Variants in IMMP2L observed in about 807,000 individuals in gnomAD.
IMMP2L encodes the protein inner mitochondrial membrane peptidase subunit 2.
Under a neutral mutation model 19.3 loss-of-function variants are expected in IMMP2L, and 18 were observed. The observed-to-expected ratio is 0.93, with a 90% CI of 0.64 to 1.38. The LOEUF (loss-of-function observed/expected upper bound fraction) is 1.38. Ranked by LOEUF, IMMP2L falls within the 40% of genes most tolerant of loss-of-function variation. The pLI is 0.00. For missense variants in IMMP2L, 233 were observed against 218.2 expected (o/e 1.07, Z -0.43); for synonymous variants, 76 against 73.0 (o/e 1.04, Z -0.21).
intron 3 of IMMP2L, among the ~76,000 whole-genome samples, chr7:111,154,356 T>C (rs904233072): frequency 4.6e-5 from 7 of 152,112 alleles, no homozygotes; most frequent in African/African-American, 1.7e-4. Context: ...CATTATTATC[T>C]ACCATATACA....
At chr7:110,955,502 A>G (rs1818273246) in intron 4 of IMMP2L, among the ~76,000 whole-genome samples, 2 of 151,750 alleles carry the variant, frequency 1.3e-5, no homozygotes, top group Admixed American at 6.6e-5. Flanking sequence ...ATTAAACAGC[A>G]GCATCGGTCA....
intron 3 of IMMP2L, among the ~76,000 whole-genome samples, chr7:111,078,831 A>G (rs1011696646): frequency 6.6e-6 from 1 of 152,128 alleles, no homozygotes; most frequent in African/African-American, 2.4e-5. Flanking sequence ...ACCAGGTTTC[A>G]GTGATTCTCC....
At chr7:110,887,078 T>G (rs1453985113) in intron 4 of IMMP2L, among the ~76,000 whole-genome samples, 2 of 152,094 alleles carry the variant, frequency 1.3e-5, no homozygotes, top group Non-Finnish European at 2.9e-5. Context: ...TTTCAACTGA[T>G]TCATGCACAA....
intron 3 of IMMP2L, chr7:111,392,694 C>T (rs1349684694): frequency 4.4e-6 from 2 of 453,362 alleles, no homozygotes; most frequent in African/African-American, 2.0e-5. Context: ...GTTACACACA[C>T]TTCTGTCCAA....
intron 3 of IMMP2L, among the ~76,000 whole-genome samples, chr7:111,052,603 C>T (rs1289137801): frequency 6.6e-6 from 1 of 152,124 alleles, no homozygotes; most frequent in Admixed American, 6.6e-5. Context: ...ACTTCTATCT[C>T]CCTAAAACGT....
At chr7:111,142,956 T>C (rs1294267756) in intron 3 of IMMP2L, among the ~76,000 whole-genome samples, 1 of 152,196 alleles carries the variant, frequency 6.6e-6, no homozygotes, top group East Asian at 1.9e-4. Flanking sequence ...TCCTGTACTA[T>C]TGTATACTTT....
At chr7:111,411,608 C>T (rs955178953) in intron 3 of IMMP2L, 2 of 287,194 alleles carry the variant, frequency 7.0e-6, no homozygotes, top group Non-Finnish European at 1.4e-5. Flanking sequence ...CACTATGGAT[C>T]GGGAAGTGCA....
At chr7:111,211,758 C>G (rs150054532) in intron 3 of IMMP2L, among the ~76,000 whole-genome samples, 73 of 152,256 alleles carry the variant, frequency 4.8e-4, no homozygotes, top group Middle Eastern at 3.4e-3. Flanking sequence ...GCCTGTAATC[C>G]CAACACTTTG....
intron 4 of IMMP2L, among the ~76,000 whole-genome samples, chr7:110,907,083 G>A (rs910990607): frequency 5.3e-5 from 8 of 152,000 alleles, no homozygotes; most frequent in Non-Finnish European, 7.4e-5. Flanking sequence ...GGGTGCCCAC[G>A]ACCCCTGAAG....
intron 5 of IMMP2L, among the ~76,000 whole-genome samples, chr7:110,809,914 T>TC (rs1161037079): frequency 6.6e-6 from 1 of 152,070 alleles, no homozygotes; most frequent in African/African-American, 2.4e-5. Flanking sequence ...CCCCCATTCT[T>TC]CAGTTCCAAA....
chr7:111,269,252 C>T (rs967625786), intron 3 of IMMP2L, among the ~76,000 whole-genome samples: 9 of 152,118 alleles, frequency 5.9e-5, no homozygotes, highest in Admixed American at 3.3e-4. Flanking sequence ...CCAACAAATA[C>T]CAGTCTTTTT....
chr7:111,405,459 T>C lies in IMMP2L; in HGVS notation c.239+81779A>G, dbSNP rs1312867615. 3.9e-5 allele frequency among the ~76,000 whole-genome samples: 6 copies of C among 152,206 alleles called. No homozygotes were observed. In the East Asian group the frequency reaches 1.2e-3, roughly 29 times the overall value. On this transcript the variant is annotated intron_variant, in intron 3 of 5. Coordinates refer to ENST00000405709, the MANE Select transcript of IMMP2L (RefSeq NM_032549.4). Reference sequence around the variant, plus strand: ...ACTTCACACTCAAATCTCTAAAAAGTTATGAACATTTTATATTGTAATACA... The same window carrying C: ...ACTTCACACTCAAATCTCTAAAAAGCTATGAACATTTTATATTGTAATACA...
chr7:111,284,587 C>T (rs1458949208), intron 3 of IMMP2L, among the ~76,000 whole-genome samples: 1 of 152,118 alleles, frequency 6.6e-6, no homozygotes, highest in Admixed American at 6.6e-5. Flanking sequence ...TTAAGGGTAG[C>T]AAGAGTGAAG....
chr7:110,683,615 A>G (rs1397479914), intron 5 of IMMP2L, among the ~76,000 whole-genome samples: 2 of 152,138 alleles, frequency 1.3e-5, no homozygotes, highest in African/African-American at 4.8e-5. Context: ...TAAAGACTCA[A>G]TCTGTCCTCT....
chr7:110,962,440 A>T (rs1819049646), intron 4 of IMMP2L: 1 of 149,910 alleles, frequency 6.7e-6, no homozygotes, highest in South Asian at 2.1e-4. Context: ...AAAAATAATG[A>T]TTTTTTTTTT....
intron 5 of IMMP2L, among the ~76,000 whole-genome samples, chr7:110,817,721 G>A (rs1802657971): frequency 1.3e-5 from 2 of 151,932 alleles, no homozygotes; most frequent in African/African-American, 4.8e-5. Context: ...TATACTACGA[G>A]GCTACAGTAA....
intron 3 of IMMP2L, among the ~76,000 whole-genome samples, chr7:111,452,790 C>A (rs1839327744): frequency 6.6e-6 from 1 of 152,086 alleles, no homozygotes; most frequent in African/African-American, 2.4e-5. Context: ...CAGCAATCTA[C>A]TATAATCTCC....
intron 5 of IMMP2L, among the ~76,000 whole-genome samples, chr7:110,770,388 A>T (rs1391159850): frequency 6.6e-6 from 1 of 152,200 alleles, no homozygotes; most frequent in African/African-American, 2.4e-5. Flanking sequence ...AAAAGGTTTA[A>T]GAGAAATTAG....
chr7:111,420,381 ATCTGT>A (rs1835375681), intron 3 of IMMP2L, among the ~76,000 whole-genome samples: 1 of 151,848 alleles, frequency 6.6e-6, no homozygotes, highest in South Asian at 2.1e-4. Flanking sequence ...TAAAAAAACT[ATCTGT>A]ACAATAAAGG....
Sources: allele counts gnomAD v4.1 joint callset (sites outside exome capture counted in the v4.1 genomes callset), GRCh38; gene constraint gnomAD v4.1.1; transcripts MANE v1.5; gene names NCBI Gene and HGNC (gene_info 2026-07-23, HGNC 2026-07-21).